The following GRID2 variants were observed in gnomAD, a reference collection of about 807,000 sequenced individuals.
GRID2 encodes the protein glutamate receptor ionotropic, delta-2.
In GRID2, 33 loss-of-function variants were observed where a neutral mutation model predicts 114.8. The observed-to-expected ratio is 0.29, with a 90% CI of 0.22 to 0.38. GRID2 has a LOEUF of 0.38. Among genes scored for constraint, GRID2 ranks in the 10% least tolerant of loss-of-function variants. GRID2 has a pLI of 1.00. For synonymous variants in GRID2, 505 were observed against 449.9 expected (o/e 1.12, Z -1.55); for missense variants, 1,184 against 1,257.7 (o/e 0.94, Z 0.89).
At chr4:92,411,653 G>GTATATATATATATATA (rs770186876) in intron 1 of GRID2, among the ~76,000 whole-genome samples, 70 of 98,814 alleles carry the variant, frequency 7.1e-4, no homozygotes, top group East Asian at 1.6e-3. Flanking sequence ...GTGTGTGTGT[G>GTATATATATATATATA]TGTATATATA....
At position 93,081,353 on chromosome 4, in the gene GRID2, TAGTA is replaced by T. The variant is rs535638222; in HGVS notation, c.245-3639_245-3636del. On this transcript the variant is annotated intron_variant, in intron 2 of 15. Coordinates refer to ENST00000282020, the MANE Select transcript of GRID2 (RefSeq NM_001510.4). ...ATTTTATTTTTAATCTTGTTTTACTTAGTAAGAAAACAAAGACTCAAAATATTTA... is the reference window on the plus strand; with the variant it reads ...ATTTTATTTTTAATCTTGTTTTACTTAGAAAACAAAGACTCAAAATATTTA... Among the ~76,000 whole-genome samples, 18 of 152,302 alleles carry T rather than the reference TAGTA, an allele frequency of 1.2e-4. No individual in the cohort carries two copies. In the South Asian group the frequency reaches 3.5e-3, roughly 30 times the overall value.
chr4:92,508,212 A>G (rs11940024), intron 1 of GRID2, among the ~76,000 whole-genome samples: 70,050 of 151,584 alleles, frequency 0.46, 17,179 homozygotes, highest in African/African-American at 0.64. Flanking sequence ...TGTATAAAGT[A>G]CTTTCATTAT....
chr4:92,540,512 C>A (rs1379641297), intron 1 of GRID2, among the ~76,000 whole-genome samples: 5 of 152,164 alleles, frequency 3.3e-5, no homozygotes, highest in Admixed American at 2.0e-4. Flanking sequence ...CAAAAGAAGA[C>A]ATTTATGCAG....
At chr4:93,534,636 C>G (rs1411475445) in intron 13 of GRID2, among the ~76,000 whole-genome samples, 2 of 151,962 alleles carry the variant, frequency 1.3e-5, no homozygotes, top group African/African-American at 4.8e-5. Flanking sequence ...CCAAAATAAC[C>G]CCCAAAAAAT....
At chr4:92,861,825 C>T (rs537590854) in intron 2 of GRID2, among the ~76,000 whole-genome samples, 54 of 151,932 alleles carry the variant, frequency 3.6e-4, no homozygotes, top group Non-Finnish European at 6.3e-4. Flanking sequence ...TTTACCTTCC[C>T]ACCTCATTGA....
chr4:93,050,948 G>C (rs1384597710), intron 2 of GRID2, among the ~76,000 whole-genome samples: 1 of 151,972 alleles, frequency 6.6e-6, no homozygotes, highest in Non-Finnish European at 1.5e-5. Context: ...TAAGCTGCTG[G>C]GGGAAAGTAT....
At chr4:93,234,454 G>A (rs1414355708) in intron 7 of GRID2, among the ~76,000 whole-genome samples, 1 of 152,062 alleles carries the variant, frequency 6.6e-6, no homozygotes, top group African/African-American at 2.4e-5. Context: ...CTAAGATGGA[G>A]ACAGCATGAT....
At chr4:93,122,641 A>G (rs886260699) in intron 4 of GRID2, among the ~76,000 whole-genome samples, 4 of 152,192 alleles carry the variant, frequency 2.6e-5, no homozygotes, top group Admixed American at 2.6e-4. Flanking sequence ...ATAGTGGCCA[A>G]TCACTCAAAA....
At chr4:92,895,633 T>C (rs1747110993) in intron 2 of GRID2, among the ~76,000 whole-genome samples, 1 of 151,816 alleles carries the variant, frequency 6.6e-6, no homozygotes, top group East Asian at 1.9e-4. Context: ...TAAAATAGAG[T>C]GTAGTTTATA....
chr4:93,163,582 CAAG>C (rs1737964645), intron 4 of GRID2, among the ~76,000 whole-genome samples: 2 of 144,274 alleles, frequency 1.4e-5, no homozygotes, highest in South Asian at 2.2e-4. Context: ...TTTTTAATAA[CAAG>C]AAAAAAATTT....
At chr4:93,177,677 T>C (rs1402062786) in intron 4 of GRID2, among the ~76,000 whole-genome samples, 1 of 152,202 alleles carries the variant, frequency 6.6e-6, no homozygotes, top group Non-Finnish European at 1.5e-5. Context: ...GCATATTTTA[T>C]GCCAACCAGC....
In GRID2 at chr4:93,085,120, G is replaced by A. The variant is rs766280622; in HGVS notation, c.370G>A (p.Ala124Thr). ...CCACCTCTTCATTCAGCGCTCAACA[G>A]CTGGGACCCCAAGGAGTGGCTGTGG... ...IPHLFIQRST[A>T]GTPRSGCGLT... Residue 124 changes from alanine to threonine, a missense_variant, in exon 3 of 16, where the codon GCT becomes ACT. Ala to Thr is a moderately conservative substitution (Grantham distance 58). This residue lies in a region of GRID2 where 455 missense variants were observed against 429.5 expected (regional missense o/e 1.06). Transcript: ENST00000282020. 3.1e-6 allele frequency: 5 copies of A among 1,613,994 alleles called. No individual in the cohort carries two copies. The highest frequency in any genetic ancestry group is 3.3e-5 in the Admixed American group (2 of 59,990).
intron 14 of GRID2, among the ~76,000 whole-genome samples, chr4:93,704,399 G>A (rs529679167): frequency 2.6e-4 from 40 of 151,968 alleles, no homozygotes; most frequent in Non-Finnish European, 5.0e-4. Context: ...GATATTAGCC[G>A]TTTGTCAGAT....
intron 8 of GRID2, among the ~76,000 whole-genome samples, chr4:93,375,780 A>T (rs1763319955): frequency 6.6e-6 from 1 of 152,224 alleles, no homozygotes; most frequent in South Asian, 2.1e-4. Context: ...CTTTATTCAA[A>T]TATTTCAGCA....
At chr4:92,404,892 G>A (rs1334497290) in intron 1 of GRID2, among the ~76,000 whole-genome samples, 1 of 152,110 alleles carries the variant, frequency 6.6e-6, no homozygotes, top group East Asian at 1.9e-4. Context: ...CTGGTGGGGA[G>A]GGAGAGCATC....
At chr4:92,511,341 C>T (rs1002438682) in intron 1 of GRID2, among the ~76,000 whole-genome samples, 2 of 151,750 alleles carry the variant, frequency 1.3e-5, no homozygotes, top group Non-Finnish European at 2.9e-5. Context: ...GGCACTAATC[C>T]GTTCATGAAG....
chr4:93,303,800 A>G (rs555534956), intron 8 of GRID2, among the ~76,000 whole-genome samples: 3 of 152,250 alleles, frequency 2.0e-5, no homozygotes, highest in South Asian at 2.1e-4. Flanking sequence ...ACTGGTTTAG[A>G]TTACTCATAC....
intron 13 of GRID2, among the ~76,000 whole-genome samples, chr4:93,534,242 C>G (rs556835722): frequency 6.6e-6 from 1 of 152,244 alleles, no homozygotes; most frequent in South Asian, 2.1e-4. Context: ...TAGCATATGT[C>G]ACTTACTAAT....
chr4:93,605,692 G>T (rs17020841), intron 13 of GRID2, among the ~76,000 whole-genome samples: 5,341 of 152,118 alleles, frequency 0.035, 103 homozygotes, highest in African/African-American at 0.051. Context: ...GATAATATTG[G>T]GCCTTGTGCT....
Sources: allele counts gnomAD v4.1 joint callset (sites outside exome capture counted in the v4.1 genomes callset), GRCh38; gene constraint gnomAD v4.1.1; regional missense constraint gnomAD v4.1.1; transcripts MANE v1.5; gene names NCBI Gene and HGNC (gene_info 2026-07-23, HGNC 2026-07-21).